KLF12: variants seen among roughly 807,000 people sequenced by gnomAD.
The protein encoded by KLF12 is Krueppel-like factor 12.
Under a neutral mutation model 37.8 loss-of-function variants are expected in KLF12, and 9 were observed. The ratio of observed to expected loss-of-function variants is 0.24; its 90% CI spans 0.14 to 0.42. The LOEUF is 0.42. KLF12 is among the 10% of genes least tolerant of loss of function. KLF12 has a pLI of 1.00. For synonymous variants in KLF12, 208 were observed against 202.1 expected (o/e 1.03, Z -0.25); for missense variants, 411 against 516.0 (o/e 0.80, Z 1.97).
chr13:74,233,809 A>G, the KLF12 span, among the ~76,000 whole-genome samples: 5 of 152,252 alleles, frequency 3.3e-5, no homozygotes, highest in Non-Finnish European at 5.9e-5. Flanking sequence ...TGGCATTCCA[A>G]TAAATAACAT....
chr13:74,087,642 C>T (rs563999089), intron 1 of KLF12, among the ~76,000 whole-genome samples: 1 of 152,250 alleles, frequency 6.6e-6, no homozygotes, highest in South Asian at 2.1e-4. Flanking sequence ...GTTTCTAGCC[C>T]CAGCTTGTGT....
At chr13:73,775,663 C>G (rs1349033791) in intron 5 of KLF12, among the ~76,000 whole-genome samples, 3 of 152,186 alleles carry the variant, frequency 2.0e-5, no homozygotes, top group Non-Finnish European at 4.4e-5. Context: ...ACTTCATGAA[C>G]TGGCAGACAT....
intron 5 of KLF12, among the ~76,000 whole-genome samples, chr13:73,809,279 T>C (rs989471057): frequency 1.3e-5 from 2 of 150,666 alleles, no homozygotes; most frequent in Non-Finnish European, 2.9e-5. Context: ...ATACATTAAG[T>C]TTATTGATCA....
the KLF12 span, among the ~76,000 whole-genome samples, chr13:74,262,374 G>A: frequency 1.3e-5 from 2 of 152,184 alleles, no homozygotes; most frequent in Non-Finnish European, 2.9e-5. Flanking sequence ...GCACAAGAGC[G>A]ATTGTAAATT....
intron 3 of KLF12, among the ~76,000 whole-genome samples, chr13:73,906,637 A>T (rs1888311589): frequency 6.6e-6 from 1 of 152,162 alleles, no homozygotes; most frequent in South Asian, 2.1e-4. Flanking sequence ...TAACTCCAAT[A>T]TCTGTAACTC....
intron 6 of KLF12, among the ~76,000 whole-genome samples, chr13:73,717,281 G>A (rs902013578): frequency 6.6e-6 from 1 of 152,120 alleles, no homozygotes; most frequent in Non-Finnish European, 1.5e-5. Flanking sequence ...GACCAACCTA[G>A]GCAAGAAGGA....
chr13:74,171,288 C>G, the KLF12 span, among the ~76,000 whole-genome samples: 8 of 152,142 alleles, frequency 5.3e-5, no homozygotes, highest in Non-Finnish European at 1.2e-4. Context: ...CTGTTACCTC[C>G]ACTATCTTCT....
intron 5 of KLF12, 96 bp downstream of exon 5, chr13:73,813,056 A>T (rs1360954175): frequency 7.4e-7 from 1 of 1,343,500 alleles, no homozygotes; most frequent in Non-Finnish European, 1.0e-6. Context: ...GTTCACAGCT[A>T]GAATGACATG....
the KLF12 span, among the ~76,000 whole-genome samples, chr13:74,241,486 T>C: frequency 1.1e-3 from 168 of 152,300 alleles, no homozygotes; most frequent in East Asian, 6.4e-3. Flanking sequence ...TTCGAGCTTC[T>C]GGGCTGCTTT....
chr13:74,137,508 A>G (rs1021593323), upstream of KLF12, among the ~76,000 whole-genome samples: 16 of 152,246 alleles, frequency 1.1e-4, no homozygotes, highest in African/African-American at 3.4e-4. Context: ...TTTCTTACAC[A>G]TAACGCATGC....
intron 1 of KLF12, among the ~76,000 whole-genome samples, chr13:74,032,249 TGAA>T (rs1431988510): frequency 6.6e-6 from 1 of 152,176 alleles, no homozygotes; most frequent in African/African-American, 2.4e-5. Context: ...TAACAGAAAC[TGAA>T]GAAGAACTTG....
At chr13:73,725,059 G>T (rs1288487721) in intron 6 of KLF12, among the ~76,000 whole-genome samples, 4 of 152,144 alleles carry the variant, frequency 2.6e-5, no homozygotes, top group Admixed American at 1.3e-4. Context: ...CTAATTATAA[G>T]ATTTGAAACA....
Position 74,086,226 on chromosome 13 carries a change from G to A in KLF12, c.-32+47513C>T, listed in dbSNP as rs1173048967. On this transcript the variant is annotated intron_variant, in intron 1 of 7. Coordinates refer to ENST00000377669, the MANE Select transcript of KLF12 (RefSeq NM_007249.5). The stretch of plus-strand genomic sequence containing the variant: ...GCTGGTGTGCTGCACCCATTAACTC[G>A]TCATTTAGCATTAGGTATATCTCCT... Among the ~76,000 whole-genome samples, 7 of 150,528 alleles carry A rather than the reference G, an allele frequency of 4.7e-5. No individual in the cohort carries two copies. In the East Asian group the frequency reaches 5.9e-4, roughly 13 times the overall value.
chr13:74,253,013 A>G, the KLF12 span, among the ~76,000 whole-genome samples: 2 of 131,342 alleles, frequency 1.5e-5, no homozygotes, highest in African/African-American at 3.3e-5. Context: ...CTATCTATCT[A>G]TCTATCTATC....
intron 6 of KLF12, among the ~76,000 whole-genome samples, chr13:73,739,964 C>G (rs1877844771): frequency 6.6e-6 from 1 of 152,148 alleles, no homozygotes; most frequent in African/African-American, 2.4e-5. Context: ...TAACAAGAAG[C>G]CTTCCTAGAA....
rs575959169 is a variant in KLF12, at chr13:74,043,633, GATTA to G, written c.-31-48584_-31-48581del. ...CTCCCATTTCTTAAAAGCACAAATT[GATTA>G]ATTAATACAAAGGGATAACAGCAGT... On this transcript the variant is annotated intron_variant, in intron 1 of 7. Transcript: ENST00000377669. Among the ~76,000 whole-genome samples the G allele has an allele frequency of 4.8e-3, 733 of 152,296 alleles. 5 individuals are homozygous for G. Among genetic ancestry groups the G allele is most frequent in the South Asian group, 0.022 (108 of 4,814 alleles).
chr13:74,010,883 A>C (rs1593828021), intron 1 of KLF12, among the ~76,000 whole-genome samples: 1 of 152,222 alleles, frequency 6.6e-6, no homozygotes, highest in African/African-American at 2.4e-5. Flanking sequence ...GGTTTTTCAA[A>C]GTAATATCAT....
chr13:73,742,498 A>C (rs1000801514), intron 6 of KLF12, among the ~76,000 whole-genome samples: 3 of 152,210 alleles, frequency 2.0e-5, no homozygotes, highest in Non-Finnish European at 2.9e-5. Context: ...ATACTACGCT[A>C]AATACTTTAC....
intron 2 of KLF12, among the ~76,000 whole-genome samples, chr13:73,975,449 A>G (rs1287080230): frequency 6.6e-6 from 1 of 152,114 alleles, no homozygotes; most frequent in Non-Finnish European, 1.5e-5. Context: ...ACATGCTCCA[A>G]ATCTACTCAT....
Sources: allele counts gnomAD v4.1 joint callset (sites outside exome capture counted in the v4.1 genomes callset), GRCh38; gene constraint gnomAD v4.1.1; transcripts MANE v1.5; gene names NCBI Gene and HGNC (gene_info 2026-07-23, HGNC 2026-07-21).